Variants in ANKRD31 observed in about 807,000 individuals in gnomAD.
ANKRD31 encodes ankyrin repeat domain 31.
A neutral mutation model predicts 186.0 loss-of-function variants in ANKRD31; 147 were observed. The ratio of observed to expected loss-of-function variants is 0.79; its 90% CI spans 0.69 to 0.91. The LOEUF is 0.91. ANKRD31 is among the 40% of genes least tolerant of loss of function. The pLI, the probability that ANKRD31 is intolerant of heterozygous loss-of-function variation, is 0.00. For synonymous variants in ANKRD31, 673 were observed against 736.4 expected, an observed-to-expected ratio of 0.91 and a Z score of 1.39; for missense variants, 1,986 against 2,148.8, an observed-to-expected ratio of 0.92 and a Z score of 1.50.
At chr5:75,159,914 T>C (rs1318315107) in intron 11 of ANKRD31, among the ~76,000 whole-genome samples, 3 of 152,068 alleles carry the variant, frequency 2.0e-5, no homozygotes, top group South Asian at 4.1e-4. Flanking sequence ...GCCTATAACA[T>C]TTATAAATGT....
chr5:75,188,681 C>T, intron 9 of ANKRD31, 33 bp from the exon 10 acceptor site: 1 of 1,488,510 alleles, frequency 6.7e-7, no homozygotes, highest in Non-Finnish European at 9.0e-7. Context: ...AGAAAAAAAT[C>T]ATTATTTGAA....
rs1755239657 is a variant in ANKRD31, at chr5:75,193,291, G to T, written c.1298+20C>A. 6.5e-7 allele frequency: 1 copy of T among 1,532,406 alleles called. No homozygotes were observed. Among genetic ancestry groups the T allele is most frequent in the African/African-American group, 1.4e-5 (1 of 72,768 alleles). 94.9% of individuals were successfully genotyped at this position (1,532,406 alleles called of 1,614,324 possible). A position where few individuals can be genotyped will look rare whatever the true frequency, so the allele number is the denominator to read the frequency against. On this transcript the variant is annotated intron_variant, in intron 8 of 25. Coordinates refer to ENST00000506364, the MANE Select transcript of ANKRD31 (RefSeq NM_001372053.1). ...TGTCTATAGCATACCTGGAGATAAA[G>T]ACATAATTTCATTGCATACCTGAAA...
At chr5:75,191,550 A>T (rs4704189) in intron 9 of ANKRD31, among the ~76,000 whole-genome samples, 1 of 151,704 alleles carries the variant, frequency 6.6e-6, no homozygotes, top group Non-Finnish European at 1.5e-5. Context: ...ACTCTCTATC[A>T]CTGTAAAACA....
chr5:75,148,709 C>T, intron 12 of ANKRD31, 81 bp from the exon 13 acceptor site: 2 of 994,800 alleles, frequency 2.0e-6, no homozygotes, highest in Non-Finnish European at 2.9e-6. Context: ...AGTCCTTTGC[C>T]ACGAGAAAAC....
intron 15 of ANKRD31, among the ~76,000 whole-genome samples, chr5:75,142,227 T>C (rs1017421911): frequency 2.0e-5 from 3 of 152,202 alleles, no homozygotes; most frequent in Admixed American, 2.0e-4. Flanking sequence ...AAGTGGTACT[T>C]TCAATATGGA....
chr5:75,091,469 C>T (rs1745916070), intron 22 of ANKRD31, 68 bp from the exon 23 acceptor site: 4 of 1,447,328 alleles, frequency 2.8e-6, no homozygotes, highest in Non-Finnish European at 3.7e-6. Flanking sequence ...TTGCTTCTGG[C>T]CATGACAAAG....
chr5:75,165,680 T>C (rs1248107739), intron 11 of ANKRD31, among the ~76,000 whole-genome samples: 1 of 152,032 alleles, frequency 6.6e-6, no homozygotes, highest in Non-Finnish European at 1.5e-5. Flanking sequence ...ACAGAAAATA[T>C]GTGAAGAAAT....
At chr5:75,124,391 A>C (rs1749036377) in intron 17 of ANKRD31, among the ~76,000 whole-genome samples, 1 of 152,172 alleles carries the variant, frequency 6.6e-6, no homozygotes, top group Non-Finnish European at 1.5e-5. Context: ...CAAATAACTA[A>C]AAGTAGAACT....
chr5:75,182,370 T>G (rs763057496), intron 10 of ANKRD31, among the ~76,000 whole-genome samples: 3 of 152,194 alleles, frequency 2.0e-5, no homozygotes, highest in Non-Finnish European at 4.4e-5. Flanking sequence ...TCTAGAAAAC[T>G]TCCTTTCCTT....
At chr5:75,084,708 T>G (rs2150019996) in intron 23 of ANKRD31, among the ~76,000 whole-genome samples, 1 of 152,344 alleles carries the variant, frequency 6.6e-6, no homozygotes, top group Non-Finnish European at 1.5e-5. Context: ...TGATATTAAT[T>G]CACTCACCTA....
At chr5:75,203,925 A>G (rs1300291097) in intron 5 of ANKRD31, among the ~76,000 whole-genome samples, 1 of 152,160 alleles carries the variant, frequency 6.6e-6, no homozygotes. Flanking sequence ...CGTTTTGCAT[A>G]GTCTGAATTA....
intron 13 of ANKRD31, 64 bp downstream of exon 13, chr5:75,148,512 C>T: frequency 8.6e-7 from 1 of 1,164,882 alleles, no homozygotes; most frequent in Non-Finnish European, 1.2e-6. Context: ...TTCCCTTTGA[C>T]AATCTATGAA....
At chr5:75,223,989 T>C (rs914027116) in intron 2 of ANKRD31, among the ~76,000 whole-genome samples, 12 of 151,822 alleles carry the variant, frequency 7.9e-5, no homozygotes, top group African/African-American at 2.9e-4. Context: ...TGATTTTGGA[T>C]TTCTCATCCT....
chr5:75,162,539 G>C (rs1752639614), intron 11 of ANKRD31, among the ~76,000 whole-genome samples: 1 of 152,190 alleles, frequency 6.6e-6, no homozygotes, highest in Admixed American at 6.5e-5. Flanking sequence ...GCTGAAATGG[G>C]TTAAGACTTT....
intron 10 of ANKRD31, among the ~76,000 whole-genome samples, chr5:75,171,575 A>T (rs1356865699): frequency 1.3e-5 from 2 of 151,944 alleles, no homozygotes; most frequent in African/African-American, 4.8e-5. Context: ...CAAAGAAAAC[A>T]AAAATAAGTA....
At chr5:75,168,914 G>A (rs1561496922) in intron 11 of ANKRD31, 65 bp downstream of exon 11, 7 of 1,387,412 alleles carry the variant, frequency 5.0e-6, no homozygotes, top group Non-Finnish European at 6.7e-6. Flanking sequence ...CTATTGTGTG[G>A]TCCCAGAGAT....
chr5:75,220,742 A>G (rs1757244110), intron 3 of ANKRD31, among the ~76,000 whole-genome samples: 1 of 152,168 alleles, frequency 6.6e-6, no homozygotes, highest in Admixed American at 6.5e-5. Context: ...AATGTCACTA[A>G]TCATTCAGGA....
intron 21 of ANKRD31, 98 bp downstream of exon 21, chr5:75,107,423 T>G (rs1175832921): frequency 1.3e-6 from 1 of 783,006 alleles, no homozygotes; most frequent in East Asian, 2.7e-5. Context: ...CCCCAAGCAG[T>G]GTTTGTATTC....
chr5:75,132,614 T>A (rs1450017760), intron 17 of ANKRD31, among the ~76,000 whole-genome samples: 1 of 152,158 alleles, frequency 6.6e-6, no homozygotes, highest in Non-Finnish European at 1.5e-5. Context: ...CCAGGAGAAC[T>A]TCCCCAATCT....
Sources: gnomAD v4.1 joint callset for allele counts (sites outside exome capture counted in the v4.1 genomes callset) on GRCh38, gnomAD v4.1.1 for gene constraint, MANE v1.5 for transcripts, NCBI Gene and HGNC (gene_info 2026-07-23, HGNC 2026-07-21) for gene names.